The following LRGUK variants were observed in gnomAD, a reference collection of about 807,000 sequenced individuals.
The protein encoded by LRGUK is leucine-rich repeat and guanylate kinase domain-containing protein.
Under a neutral mutation model 76.0 loss-of-function variants are expected in LRGUK, and 65 were observed. That is an observed-to-expected ratio of 0.85 (90% CI 0.70 to 1.05). The LOEUF is 1.05. Ranked by LOEUF, LRGUK falls within the 50% of genes least tolerant of loss-of-function variation. LRGUK has a pLI of 0.00. For synonymous variants in LRGUK, 268 were observed against 265.6 expected (o/e 1.01, Z -0.09); for missense variants, 758 against 732.8 (o/e 1.03, Z -0.40).
chr7:134,225,708 A>T (rs1289699626), intron 16 of LRGUK, among the ~76,000 whole-genome samples: 2 of 152,194 alleles, frequency 1.3e-5, no homozygotes, highest in East Asian at 3.8e-4. Flanking sequence ...TTTTCTTTTA[A>T]AGATTATGAA....
chr7:134,180,318 A>G (rs1303094964), intron 10 of LRGUK, among the ~76,000 whole-genome samples: 2 of 151,730 alleles, frequency 1.3e-5, no homozygotes, highest in African/African-American at 2.4e-5. Context: ...CCATCCATCC[A>G]TCCATCCATC....
chr7:134,225,913 A>T (rs1229584855), intron 16 of LRGUK, among the ~76,000 whole-genome samples: 1 of 152,210 alleles, frequency 6.6e-6, no homozygotes, highest in Non-Finnish European at 1.5e-5. Flanking sequence ...TTTATAATTT[A>T]GAAAGAGCTT....
chr7:134,231,464 C>T (rs1801887945), intron 16 of LRGUK, among the ~76,000 whole-genome samples: 1 of 149,370 alleles, frequency 6.7e-6, no homozygotes. Context: ...TCCTTTCTTC[C>T]TTCCTTCTTT....
At chr7:134,206,653 CG>C (rs1563182688) in intron 15 of LRGUK, among the ~76,000 whole-genome samples, 1 of 151,432 alleles carries the variant, frequency 6.6e-6, no homozygotes, top group Admixed American at 6.6e-5. Context: ...TTCTAATACC[CG>C]AAGGCTTAAA....
chr7:134,192,470 C>T (rs1800297035), intron 12 of LRGUK, among the ~76,000 whole-genome samples: 1 of 152,132 alleles, frequency 6.6e-6, no homozygotes, highest in Non-Finnish European at 1.5e-5. Flanking sequence ...TGGGTTTTTG[C>T]ATTTGTTTGT....
chr7:134,253,480 G>A (rs147869960), intron 18 of LRGUK, among the ~76,000 whole-genome samples: 302 of 152,286 alleles, frequency 2.0e-3, no homozygotes, highest in African/African-American at 6.9e-3. Context: ...AAGTTCTTCC[G>A]TATCATAGCA....
intron 10 of LRGUK, among the ~76,000 whole-genome samples, chr7:134,179,445 C>T (rs1381623372): frequency 6.6e-6 from 1 of 152,034 alleles, no homozygotes; most frequent in Non-Finnish European, 1.5e-5. Context: ...CCACAGAGAG[C>T]AAAATGTTTT....
chr7:134,128,077 C>T (rs906911351), intron 1 of LRGUK, among the ~76,000 whole-genome samples: 7 of 149,422 alleles, frequency 4.7e-5, no homozygotes, highest in Non-Finnish European at 1.0e-4. Flanking sequence ...CCACACTCTT[C>T]CTCAGTTCTA....
chr7:134,262,779 C>A lies in LRGUK; in HGVS notation c.2348-1066C>A, dbSNP rs1215407120. On this transcript the variant is annotated intron_variant, in intron 19 of 19. Transcript: ENST00000285928. ...GGTCAGGAATTCAACGTTAGCCTGG[C>A]CAACATGGTGAAACCCCACCTCTAC... is the stretch of plus-strand genomic sequence containing the variant. 2.0e-5 allele frequency among the ~76,000 whole-genome samples: 3 copies of A among 152,024 alleles called. No individual in the cohort carries two copies. The East Asian group carries it at 5.8e-4, about 29-fold the overall frequency.
intron 1 of LRGUK, among the ~76,000 whole-genome samples, chr7:134,128,483 C>T (rs1797126319): frequency 6.6e-6 from 1 of 152,222 alleles, no homozygotes; most frequent in Non-Finnish European, 1.5e-5. Flanking sequence ...CTCATCACAT[C>T]ACTTCTTTTC....
At chr7:134,138,990 A>AGCT (rs1797648430) in intron 2 of LRGUK, among the ~76,000 whole-genome samples, 10 of 152,044 alleles carry the variant, frequency 6.6e-5, no homozygotes, top group African/African-American at 2.4e-4. Context: ...GAAAATGAAA[A>AGCT]GGTGAAAGTG....
At position 134,158,206 on chromosome 7, in the gene LRGUK, T is replaced by A. The variant is rs757138567; in HGVS notation, c.795+47T>A. On this transcript the variant is annotated intron_variant, in intron 6 of 15. Coordinates refer to ENST00000645682, the Ensembl canonical transcript of LRGUK. ...TCTTTATAGAAGTAGTAGTTAATGC[T>A]TTTAGTAACTACATGAATTATGACT... 12 of 1,514,332 alleles carry A rather than the reference T, an allele frequency of 7.9e-6. No homozygotes were observed. In the African/African-American group the frequency reaches 1.5e-4, roughly 19 times the overall value. 93.8% of individuals were successfully genotyped at this position (1,514,332 alleles called of 1,614,324 possible). A position where few individuals can be genotyped will look rare whatever the true frequency, so the allele number is the denominator to read the frequency against.
At chr7:134,222,827 A>G (rs1004118908) in intron 16 of LRGUK, among the ~76,000 whole-genome samples, 1 of 151,322 alleles carries the variant, frequency 6.6e-6, no homozygotes, top group African/African-American at 2.4e-5. Flanking sequence ...GGCTCTCCCA[A>G]CCTCAGGTGA....
intron 18 of LRGUK, among the ~76,000 whole-genome samples, chr7:134,255,259 AC>A (rs1802547737): frequency 6.6e-6 from 1 of 151,502 alleles, no homozygotes; most frequent in African/African-American, 2.4e-5. Context: ...ACACACACAC[AC>A]ACACAAATTT....
rs200838592 is a variant in LRGUK, at chr7:134,183,845, C to G, written c.1326C>G (p.Phe442Leu). The G allele has an allele frequency of 1.0e-4, 165 of 1,613,792 alleles. No individual in the cohort carries two copies. The highest frequency in any genetic ancestry group is 1.3e-4 in the Non-Finnish European group (158 of 1,179,870). ...TCTGCAGACAGTTTAGCACTTACTT[C>G]AGATATGGGTAAGTTTGTTTATTGG... Residue 442 changes from phenylalanine (F) to leucine (L), a missense_variant, in exon 11 of 16, where the codon TTC (phenylalanine) becomes TTG (leucine). Phe to Leu is a conservative substitution (Grantham distance 22). Coordinates refer to ENST00000645682, the Ensembl canonical transcript of LRGUK.
At chr7:134,276,499 T>C in the LRGUK span, among the ~76,000 whole-genome samples, 4 of 151,854 alleles carry the variant, frequency 2.6e-5, no homozygotes, top group African/African-American at 9.7e-5. Flanking sequence ...GTGGGGGAGA[T>C]GGATGGGGAC....
chr7:134,160,515 G>T (rs1176161125), intron 6 of LRGUK, among the ~76,000 whole-genome samples: 1 of 152,078 alleles, frequency 6.6e-6, no homozygotes, highest in Admixed American at 6.5e-5. Flanking sequence ...ATGGAATCAA[G>T]AAACCAGTAG....
intron 16 of LRGUK, among the ~76,000 whole-genome samples, chr7:134,236,705 A>G (rs1047270640): frequency 1.3e-5 from 2 of 152,324 alleles, no homozygotes; most frequent in Admixed American, 1.3e-4. Context: ...ATAGGCGCCT[A>G]TAGGGCCATA....
At chr7:134,244,197 C>A (rs1421587618) in intron 16 of LRGUK, among the ~76,000 whole-genome samples, 4 of 152,100 alleles carry the variant, frequency 2.6e-5, no homozygotes, top group African/African-American at 9.7e-5. Flanking sequence ...CCAAAATTGA[C>A]AAATGGGATA....
Sources: gnomAD v4.1 joint callset for allele counts (sites outside exome capture counted in the v4.1 genomes callset) on GRCh38, gnomAD v4.1.1 for gene constraint, MANE v1.5 for transcripts, NCBI Gene and HGNC (gene_info 2026-07-23, HGNC 2026-07-21) for gene names.